MMP26: variants seen among roughly 807,000 people sequenced by gnomAD.
MMP26 encodes matrix metalloproteinase-26.
Under a neutral mutation model 31.0 loss-of-function variants are expected in MMP26, and 33 were observed. The ratio of observed to expected loss-of-function variants is 1.06; its 90% CI spans 0.81 to 1.42. MMP26 has a LOEUF of 1.42. MMP26 is among the 40% of genes most tolerant of loss of function. The probability of loss-of-function intolerance (pLI) is 0.00; values close to 1 mark genes in which losing one functional copy is unlikely to be tolerated. For missense variants in MMP26, 347 were observed against 316.1 expected (o/e 1.10, Z -0.74); for synonymous variants, 122 against 114.9 (o/e 1.06, Z -0.40).
chr11:4,916,577 C>G (rs1851096455), intron 2 of MMP26, among the ~76,000 whole-genome samples: 1 of 151,916 alleles, frequency 6.6e-6, no homozygotes, highest in African/African-American at 2.4e-5. Flanking sequence ...ACATACAAGC[C>G]CTAATTCTAG....
chr11:4,758,238 C>T (rs879651799), intron 1 of MMP26, among the ~76,000 whole-genome samples: 3 of 151,854 alleles, frequency 2.0e-5, no homozygotes, highest in Non-Finnish European at 4.4e-5. Flanking sequence ...TGAAAGAAGC[C>T]AGATGCAGGA....
intron 2 of MMP26, among the ~76,000 whole-genome samples, chr11:4,794,547 T>C (rs1849078667): frequency 6.6e-6 from 1 of 152,264 alleles, no homozygotes; most frequent in South Asian, 2.1e-4. Context: ...TTCTTTAGGG[T>C]CTTCTCACTG....
chr11:4,986,562 ACT>A (rs1846892663), intron 2 of MMP26, among the ~76,000 whole-genome samples: 2 of 102,348 alleles, frequency 2.0e-5, no homozygotes, highest in South Asian at 6.9e-4. Flanking sequence ...ACAGAATCTC[ACT>A]CTGTTTCCCA....
At chr11:4,761,236 C>T (rs991700784) in intron 1 of MMP26, among the ~76,000 whole-genome samples, 15 of 152,162 alleles carry the variant, frequency 9.9e-5, no homozygotes, top group African/African-American at 3.6e-4. Context: ...TTGTGTTTAT[C>T]TATGCTAAAT....
At chr11:4,755,418 C>T (rs1848494011) in intron 1 of MMP26, among the ~76,000 whole-genome samples, 1 of 151,966 alleles carries the variant, frequency 6.6e-6, no homozygotes, top group Non-Finnish European at 1.5e-5. Context: ...AATGTGGAGT[C>T]TGTACCAACA....
At chr11:4,806,853 C>A (rs1849277210) in intron 2 of MMP26, among the ~76,000 whole-genome samples, 1 of 152,140 alleles carries the variant, frequency 6.6e-6, no homozygotes, top group Non-Finnish European at 1.5e-5. Flanking sequence ...CCCCCTTTGC[C>A]TGTCCCAGAC....
intron 3 of MMP26, among the ~76,000 whole-genome samples, chr11:4,988,689 A>G (rs61880628): frequency 0.025 from 3,874 of 152,264 alleles, 71 homozygotes; most frequent in Non-Finnish European, 0.042. Context: ...GGACCTTCAC[A>G]TTGACTGAGT....
At chr11:4,745,625 C>G (rs190240435) in intron 1 of MMP26, among the ~76,000 whole-genome samples, 14 of 152,276 alleles carry the variant, frequency 9.2e-5, no homozygotes, top group Non-Finnish European at 1.5e-4. Context: ...CACCACTAAT[C>G]CAGTTTAAAT....
chr11:4,743,473 C>A (rs1160411139), intron 1 of MMP26, among the ~76,000 whole-genome samples: 1 of 152,146 alleles, frequency 6.6e-6, no homozygotes, highest in Non-Finnish European at 1.5e-5. Context: ...TTTTCATAGA[C>A]ACTGCTAACA....
chr11:4,842,408 G>A (rs1849808504), intron 2 of MMP26, among the ~76,000 whole-genome samples: 1 of 152,186 alleles, frequency 6.6e-6, no homozygotes, highest in South Asian at 2.1e-4. Flanking sequence ...TCCACAGACT[G>A]TACAGGAGGC....
Position 4,801,852 on chromosome 11 carries a change from A to G in MMP26, c.-145+34511A>G, listed in dbSNP as rs910109127. 6.3e-4 allele frequency among the ~76,000 whole-genome samples: 96 copies of G among 152,014 alleles called. 1 individual carries two copies. The highest frequency in any genetic ancestry group is 2.6e-4 in the Admixed American group (4 of 15,230). ...CCGAGCCCAGTTAGGACTCTTTTAAATAACCGGATCTCGCATGATCTAACT... is the reference window on the plus strand; with the variant it reads ...CCGAGCCCAGTTAGGACTCTTTTAAGTAACCGGATCTCGCATGATCTAACT... On this transcript the variant is annotated intron_variant, in intron 2 of 7. Coordinates refer to ENST00000380390, the MANE Select transcript of MMP26 (RefSeq NM_021801.5).
intron 2 of MMP26, among the ~76,000 whole-genome samples, chr11:4,959,017 T>C (rs1846482679): frequency 6.6e-6 from 1 of 151,914 alleles, no homozygotes; most frequent in African/African-American, 2.4e-5. Flanking sequence ...GGCGGGCAGA[T>C]CATGAGGTCA....
intron 2 of MMP26, among the ~76,000 whole-genome samples, chr11:4,781,752 C>T (rs528018973): frequency 6.6e-6 from 1 of 152,156 alleles, no homozygotes; most frequent in Admixed American, 6.5e-5. Flanking sequence ...CCATAATTCC[C>T]ACCTGTTGTG....
At chr11:4,956,606 C>T (rs1385530480) in intron 2 of MMP26, among the ~76,000 whole-genome samples, 1 of 152,164 alleles carries the variant, frequency 6.6e-6, no homozygotes, top group African/African-American at 2.4e-5. Flanking sequence ...TGAGTTGATT[C>T]TGCATTCAAG....
chr11:4,932,006 G>A (rs1301823655), intron 2 of MMP26, among the ~76,000 whole-genome samples: 2 of 152,024 alleles, frequency 1.3e-5, no homozygotes, highest in Non-Finnish European at 2.9e-5. Flanking sequence ...GAACGTAGCA[G>A]CTCAACAAGA....
chr11:4,712,016 C>T (rs1316198053), intron 1 of MMP26: 8 of 152,104 alleles, frequency 5.3e-5, no homozygotes, highest in Admixed American at 5.2e-4. Flanking sequence ...TTCTCTTCCC[C>T]TACTGATCTG....
intron 2 of MMP26, among the ~76,000 whole-genome samples, chr11:4,774,145 G>GTA (rs1848761699): frequency 2.0e-5 from 3 of 152,166 alleles, no homozygotes; most frequent in Admixed American, 1.3e-4. Flanking sequence ...ATTCCTTTGA[G>GTA]TATATACCCA....
chr11:4,717,264 TACTTG>T (rs1847947012), intron 1 of MMP26, among the ~76,000 whole-genome samples: 1 of 152,194 alleles, frequency 6.6e-6, no homozygotes, highest in Admixed American at 6.5e-5. Flanking sequence ...GCAGGTGCAA[TACTTG>T]ACTTGGCTCT....
At chr11:4,884,338 G>A (rs1460148777) in intron 2 of MMP26, among the ~76,000 whole-genome samples, 1 of 152,052 alleles carries the variant, frequency 6.6e-6, no homozygotes, top group Non-Finnish European at 1.5e-5. Context: ...TGTGCACTCA[G>A]CGGGAAGTCT....
Sources: allele counts gnomAD v4.1 joint callset (sites outside exome capture counted in the v4.1 genomes callset), GRCh38; gene constraint gnomAD v4.1.1; transcripts MANE v1.5; gene names NCBI Gene and HGNC (gene_info 2026-07-23, HGNC 2026-07-21).